The following DNM3 variants were observed in gnomAD, a reference collection of about 807,000 sequenced individuals.
DNM3 encodes dynamin 3.
DNM3 carries 47 observed loss-of-function variants against 101.6 expected under a neutral mutation model. That is an observed-to-expected ratio of 0.46 (90% CI 0.37 to 0.59). The LOEUF is 0.59. Ranked by LOEUF, DNM3 falls within the 20% of genes least tolerant of loss-of-function variation. DNM3 has a pLI of 0.00. For missense variants in DNM3, 849 were observed against 1,085.7 expected (o/e 0.78, Z 3.06); for synonymous variants, 385 against 387.9 (o/e 0.99, Z 0.09).
chr1:172,082,714 T>C (rs2053250141), intron 12 of DNM3, among the ~76,000 whole-genome samples: 1 of 152,244 alleles, frequency 6.6e-6, no homozygotes. Context: ...TGACAGAATG[T>C]CAAATTAATT....
intron 4 of DNM3, among the ~76,000 whole-genome samples, chr1:171,992,571 G>A (rs1034235446): frequency 6.6e-6 from 1 of 151,994 alleles, no homozygotes; most frequent in African/African-American, 2.4e-5. Flanking sequence ...TCATGTAAAT[G>A]TTCATGAACT....
intron 13 of DNM3, among the ~76,000 whole-genome samples, chr1:172,110,180 C>T (rs1012579633): frequency 6.6e-6 from 1 of 152,212 alleles, no homozygotes; most frequent in African/African-American, 2.4e-5. Context: ...GGTCTCCAGT[C>T]AGCTTCAATA....
chr1:172,144,709 A>G, intron 14 of DNM3: 1 of 475,284 alleles, frequency 2.1e-6, no homozygotes, highest in Non-Finnish European at 4.3e-6. Context: ...CAGGGGTTGC[A>G]TTCAGCTTTC....
intron 15 of DNM3, among the ~76,000 whole-genome samples, chr1:172,257,911 A>ACACAC (rs2062478521): frequency 6.9e-6 from 1 of 144,724 alleles, no homozygotes; most frequent in African/African-American, 2.8e-5. Flanking sequence ...CACACAGACA[A>ACACAC]ACAGACACAC....
intron 2 of DNM3, among the ~76,000 whole-genome samples, chr1:171,932,733 T>C (rs2125374301): frequency 6.6e-6 from 1 of 152,348 alleles, no homozygotes; most frequent in African/African-American, 2.4e-5. Context: ...TTTAAATTTA[T>C]TCTCTTGGGT....
chr1:172,359,125 A>AACACACACACAC (rs10683483), intron 17 of DNM3, among the ~76,000 whole-genome samples: 2,174 of 145,750 alleles, frequency 0.015, 27 homozygotes, highest in Middle Eastern at 0.056. Flanking sequence ...ACTCCCACAA[A>AACACACACACAC]ACACACACAC....
Position 172,308,725 on chromosome 1 carries a change from C to A in DNM3, c.1770-3C>A. ...GCATGATTTTTTTTTTTTTTAACTC[C>A]AGGAATGTATACAAAGACTATCGCT... On this transcript the variant is annotated splice_region_variant and splice_polypyrimidine_tract_variant and intron_variant, in intron 15 of 20. Transcript: ENST00000627582. 2 of 1,534,390 alleles carry A rather than the reference C, an allele frequency of 1.3e-6. No individual in the cohort carries two copies. The highest frequency in any genetic ancestry group is 1.8e-6 in the Non-Finnish European group (2 of 1,141,354).
rs1182006758 is a variant in DNM3, at chr1:172,409,124, C to T, written c.*1283C>T. On this transcript the variant is annotated 3_prime_UTR_variant, in exon 21 of 21. Coordinates refer to ENST00000627582, the MANE Select transcript of DNM3 (RefSeq NM_015569.5). ...AGGCTAAGTTTTGGACTACCAAGGACCAGATGATTCACATGTAGGAAACAG... is the reference window on the plus strand; with the variant it reads ...AGGCTAAGTTTTGGACTACCAAGGATCAGATGATTCACATGTAGGAAACAG... 1.0e-6 allele frequency: 1 copy of T among 985,208 alleles called. No homozygotes were observed. Among genetic ancestry groups the T allele is most frequent in the Non-Finnish European group, 1.2e-6 (1 of 829,898 alleles). The allele number at this position is 985,208 out of a possible 1,614,324, so 61.0% of individuals were successfully genotyped here.
At chr1:172,165,530 G>A (rs1038862207) in intron 14 of DNM3, among the ~76,000 whole-genome samples, 2 of 151,980 alleles carry the variant, frequency 1.3e-5, no homozygotes, top group African/African-American at 4.8e-5. Context: ...TACCTTCCCA[G>A]CATTATAGGT....
intron 14 of DNM3, among the ~76,000 whole-genome samples, chr1:172,245,853 G>A (rs1274462029): frequency 6.6e-6 from 1 of 152,154 alleles, no homozygotes; most frequent in Non-Finnish European, 1.5e-5. Context: ...ATCCACAGGT[G>A]TATTAGTCCA....
At chr1:172,046,564 A>T (rs1225279503) in intron 9 of DNM3, among the ~76,000 whole-genome samples, 3 of 140,850 alleles carry the variant, frequency 2.1e-5, no homozygotes, top group South Asian at 4.4e-4. Flanking sequence ...ATAATAATAA[A>T]AAAAAGAAAG....
At chr1:171,895,106 A>G (rs180824884) in intron 1 of DNM3, among the ~76,000 whole-genome samples, 1 of 152,186 alleles carries the variant, frequency 6.6e-6, no homozygotes, top group East Asian at 1.9e-4. Flanking sequence ...ATACGTGTGC[A>G]TGTGTCTTTA....
chr1:172,216,061 CAT>C (rs2060688619), intron 14 of DNM3, among the ~76,000 whole-genome samples: 1 of 145,922 alleles, frequency 6.9e-6, no homozygotes, highest in Non-Finnish European at 1.5e-5. Context: ...AAGCTGCAGA[CAT>C]ATATTTTTCA....
Position 171,921,823 on chromosome 1 carries a change from TAATG to T in DNM3, c.235+9_235+12del. ...TGCAGCTTGTTACTTCTAAAGCAGG[TAATG>T]AATGAAGATGTTTACCGCATGGATG... On this transcript the variant is annotated splice_donor_5th_base_variant and intron_variant, in intron 2 of 20. Coordinates refer to ENST00000627582, the MANE Select transcript of DNM3 (RefSeq NM_015569.5). 1.3e-6 allele frequency: 2 copies of T among 1,597,110 alleles called. No homozygotes were observed. Among genetic ancestry groups the T allele is most frequent in the Middle Eastern group, 1.7e-4 (1 of 6,042 alleles).
intron 14 of DNM3, among the ~76,000 whole-genome samples, chr1:172,145,964 T>C (rs774922945): frequency 9.9e-5 from 15 of 152,114 alleles, no homozygotes; most frequent in African/African-American, 2.4e-4. Flanking sequence ...ATATTCTGAA[T>C]ATGTAGTTCT....
At chr1:172,329,997 C>A (rs933878611) in intron 17 of DNM3, among the ~76,000 whole-genome samples, 2 of 152,148 alleles carry the variant, frequency 1.3e-5, no homozygotes, top group South Asian at 4.1e-4. Flanking sequence ...TAGGTGGTAA[C>A]GAGGAAGCCG....
At chr1:172,105,073 T>C (rs935936902) in intron 13 of DNM3, among the ~76,000 whole-genome samples, 31 of 152,250 alleles carry the variant, frequency 2.0e-4, no homozygotes, top group Admixed American at 2.0e-4. Flanking sequence ...TCAGTTACTA[T>C]GGGCTATTAT....
chr1:172,129,247 A>G lies in DNM3; in HGVS notation c.1546-1928A>G, dbSNP rs551820793. ...GATGTGATCATTTACTCTATGGAAA[A>G]TAAAGTTTGATTGTATGTGTGCATG... is the stretch of plus-strand genomic sequence containing the variant. On this transcript the variant is annotated intron_variant, in intron 13 of 20. Coordinates refer to ENST00000627582, the MANE Select transcript of DNM3 (RefSeq NM_015569.5). 5.3e-5 allele frequency among the ~76,000 whole-genome samples: 8 copies of G among 152,334 alleles called. No individual in the cohort carries two copies. In the South Asian group the frequency reaches 1.7e-3, roughly 32 times the overall value.
intron 14 of DNM3, among the ~76,000 whole-genome samples, chr1:172,182,415 A>G (rs985112501): frequency 6.6e-6 from 1 of 152,090 alleles, no homozygotes; most frequent in African/African-American, 2.4e-5. Flanking sequence ...ATCATTACAT[A>G]CCTTAAATGG....
Sources: gnomAD v4.1 joint callset for allele counts (sites outside exome capture counted in the v4.1 genomes callset) on GRCh38, gnomAD v4.1.1 for gene constraint, MANE v1.5 for transcripts, NCBI Gene and HGNC (gene_info 2026-07-23, HGNC 2026-07-21) for gene names.